YIPF1: variants seen among roughly 807,000 people sequenced by gnomAD.
The protein encoded by YIPF1 is Yip1 domain family member 1.
YIPF1 carries 22 observed loss-of-function variants against 37.0 expected under a neutral mutation model. The observed-to-expected ratio is 0.59, with a 90% CI of 0.42 to 0.85. The LOEUF (loss-of-function observed/expected upper bound fraction) is 0.85, where lower values mean the gene tolerates loss of function less well. YIPF1 is among the 40% of genes least tolerant of loss of function. YIPF1 has a pLI of 0.00. For synonymous variants in YIPF1, 128 were observed against 131.9 expected (o/e 0.97, Z 0.21); for missense variants, 355 against 373.1 (o/e 0.95, Z 0.40).
At chr1:53,870,160 CTTTTTTTTTTTTTTTT>C (rs753978320) in intron 7 of YIPF1, among the ~76,000 whole-genome samples, 1 of 91,196 alleles carries the variant, frequency 1.1e-5, no homozygotes, top group Admixed American at 1.3e-4. Flanking sequence ...CACCGGGTCT[CTTTTTTTTTTTTTTTT>C]TTTTTTTTTT....
At chr1:53,862,561 A>G (rs1294055603) in intron 9 of YIPF1, among the ~76,000 whole-genome samples, 1 of 152,084 alleles carries the variant, frequency 6.6e-6, no homozygotes, top group Non-Finnish European at 1.5e-5. Flanking sequence ...CATCATTTAC[A>G]TGTGCAATCA....
intron 6 of YIPF1, 100 bp downstream of exon 6, chr1:53,878,215 G>T: frequency 8.7e-7 from 1 of 1,152,808 alleles, no homozygotes; most frequent in South Asian, 1.4e-5. Flanking sequence ...ATAATACATG[G>T]CATGCCCCAC....
intron 4 of YIPF1, 168 bp downstream of exon 4, chr1:53,882,945 A>C: frequency 1.5e-6 from 1 of 647,224 alleles, no homozygotes; most frequent in Non-Finnish European, 2.4e-6. Flanking sequence ...GTACTTACGG[A>C]AAGTAATGGT....
intron 10 of YIPF1, 39 bp downstream of exon 10, chr1:53,860,017 T>C: frequency 6.2e-7 from 1 of 1,602,244 alleles, no homozygotes; most frequent in Non-Finnish European, 8.5e-7. Context: ...GCCCATGTTT[T>C]ATGGCACCAC....
chr1:53,866,684 G>C, intron 8 of YIPF1, 74 bp downstream of exon 8: 2 of 1,494,634 alleles, frequency 1.3e-6, no homozygotes, highest in Non-Finnish European at 1.8e-6. Flanking sequence ...ATGATGGTAG[G>C]TCAAATTCTT....
chr1:53,883,119 T>C lies in YIPF1; in HGVS notation c.189A>G (p.Lys63=), dbSNP rs777707278. 3.2e-6 allele frequency: 5 copies of C among 1,571,918 alleles called. No individual in the cohort carries two copies. The highest frequency in any genetic ancestry group is 4.3e-6 in the Non-Finnish European group (5 of 1,165,806). Residue 63 remains lysine (K), a synonymous_variant, in exon 4 of 11, where the codon AAA becomes AAG. Transcript: ENST00000072644. ...DELLGNDDSD[K]TELLAGQKKS... Reference sequence around the variant, plus strand: ...CTCAAAGACAAGTTCAAACCTCAGTTTTGTCAGAGTCATCATTTCCCAGTA... The same window carrying C: ...CTCAAAGACAAGTTCAAACCTCAGTCTTGTCAGAGTCATCATTTCCCAGTA...
chr1:53,879,111 T>TC (rs954417661), intron 4 of YIPF1, among the ~76,000 whole-genome samples: 16 of 151,912 alleles, frequency 1.1e-4, no homozygotes, highest in Admixed American at 7.9e-4. Context: ...CTTTTTTTTT[T>TC]TGAGATGGCG....
At chr1:53,863,292 A>T (rs1414527032) in intron 9 of YIPF1, among the ~76,000 whole-genome samples, 5 of 152,202 alleles carry the variant, frequency 3.3e-5, no homozygotes, top group Non-Finnish European at 7.3e-5. Context: ...TGTCATTAAG[A>T]GTGGGAGACT....
chr1:53,882,987 G>T, intron 4 of YIPF1, 126 bp downstream of exon 4: 1 of 1,090,938 alleles, frequency 9.2e-7, no homozygotes, highest in Non-Finnish European at 1.3e-6. Context: ...CAAGGAAGAG[G>T]CCATGTGTCA....
intron 6 of YIPF1, 81 bp downstream of exon 6, chr1:53,878,234 C>G (rs1650385267): frequency 1.5e-6 from 2 of 1,366,848 alleles, no homozygotes; most frequent in Admixed American, 3.7e-5. Flanking sequence ...ACCAATAGTG[C>G]AGTTCTCCAC....
At chr1:53,880,955 A>C (rs552316821) in intron 4 of YIPF1, among the ~76,000 whole-genome samples, 65 of 152,260 alleles carry the variant, frequency 4.3e-4, no homozygotes, top group African/African-American at 1.5e-3. Flanking sequence ...AAACTAAAAA[A>C]ACCCTAGAAG....
rs181633290 is a variant in YIPF1, at chr1:53,879,920, C to T, written c.196-1198G>A. On this transcript the variant is annotated intron_variant, in intron 4 of 10. Transcript: ENST00000072644. ...GGGGCGATGGCTCACCCAGGAGCAG[C>T]ACGGAGACAAAGGAACACCCATCCC... 6.7e-4 allele frequency among the ~76,000 whole-genome samples: 102 copies of T among 152,218 alleles called. 1 individual carries two copies. Among genetic ancestry groups the T allele is most frequent in the Admixed American group, 1.6e-3 (25 of 15,296 alleles).
intron 9 of YIPF1, among the ~76,000 whole-genome samples, chr1:53,865,866 T>A (rs1156271671): frequency 6.6e-6 from 1 of 152,024 alleles, no homozygotes; most frequent in Non-Finnish European, 1.5e-5. Flanking sequence ...CATTGCAACC[T>A]CCACCTCCTG....
intron 6 of YIPF1, among the ~76,000 whole-genome samples, chr1:53,873,205 G>A (rs1650239452): frequency 6.6e-6 from 1 of 152,168 alleles, no homozygotes; most frequent in South Asian, 2.1e-4. Flanking sequence ...GCACTCCGGG[G>A]AGACGATCAA....
At chr1:53,853,658 T>A (rs1429815518) in intron 10 of YIPF1, among the ~76,000 whole-genome samples, 1 of 152,238 alleles carries the variant, frequency 6.6e-6, no homozygotes, top group East Asian at 1.9e-4. Flanking sequence ...AAGGGCTAAC[T>A]GCCCAAGTCT....
At chr1:53,867,130 G>T (rs956206793) in intron 7 of YIPF1, among the ~76,000 whole-genome samples, 1 of 152,140 alleles carries the variant, frequency 6.6e-6, no homozygotes, top group African/African-American at 2.4e-5. Flanking sequence ...TTGAATTAAT[G>T]AATCTTTACC....
rs1482822362 is a variant in YIPF1, at chr1:53,888,890, G to A, written c.31+17C>T. 1 of 1,575,280 alleles carries A rather than the reference G, an allele frequency of 6.3e-7. No individual in the cohort carries two copies. The highest frequency in any genetic ancestry group is 2.3e-5 in the East Asian group (1 of 44,018). On this transcript the variant is annotated intron_variant, in intron 3 of 10. Transcript: ENST00000072644. ...ACAGTGATCATAAATATAAAGGTGG[G>A]CACCCAACTGGTATACCTTCAAATT...
In YIPF1 at chr1:53,888,895, C is replaced by A; in HGVS notation, c.31+12G>T. On this transcript the variant is annotated intron_variant, in intron 3 of 10. Coordinates refer to ENST00000072644, the MANE Select transcript of YIPF1 (RefSeq NM_018982.5). ...GATCATAAATATAAAGGTGGGCACC[C>A]AACTGGTATACCTTCAAATTGCAAG... 1 of 1,581,090 alleles carries A rather than the reference C, an allele frequency of 6.3e-7. No individual in the cohort carries two copies. Among genetic ancestry groups the A allele is most frequent in the Non-Finnish European group, 8.7e-7 (1 of 1,153,852 alleles).
intron 2 of YIPF1, 65 bp from the exon 3 acceptor site, chr1:53,889,051 T>A: frequency 1.2e-6 from 1 of 863,246 alleles, no homozygotes; most frequent in Admixed American, 1.9e-5. Flanking sequence ...ACAACTCTTA[T>A]GTATTAGAAA....
Sources: allele counts gnomAD v4.1 joint callset (sites outside exome capture counted in the v4.1 genomes callset), GRCh38; gene constraint gnomAD v4.1.1; transcripts MANE v1.5; gene names NCBI Gene and HGNC (gene_info 2026-07-23, HGNC 2026-07-21).